Variants in WWOX observed in about 807,000 individuals in gnomAD.
The protein encoded by WWOX is WW domain-containing oxidoreductase.
A neutral mutation model predicts 46.2 loss-of-function variants in WWOX; 69 were observed. That is an observed-to-expected ratio of 1.49 (90% CI 1.23 to 1.82). The LOEUF (loss-of-function observed/expected upper bound fraction) is 1.82, where lower values mean the gene tolerates loss of function less well. Ranked by LOEUF, WWOX falls within the 40% of genes most tolerant of loss-of-function variation. The pLI, the probability that WWOX is intolerant of heterozygous loss-of-function variation, is 0.00. For synonymous variants in WWOX, 359 were observed against 202.6 expected (o/e 1.77, Z -6.56); for missense variants, 919 against 542.6 (o/e 1.69, Z -6.89).
At chr16:78,784,447 C>T (rs995618715) in intron 8 of WWOX, among the ~76,000 whole-genome samples, 3 of 152,064 alleles carry the variant, frequency 2.0e-5, no homozygotes, top group East Asian at 1.9e-4. Flanking sequence ...GAGTGAAGTT[C>T]TTACCCATTA....
intron 5 of WWOX, among the ~76,000 whole-genome samples, chr16:78,257,536 A>G (rs1311896369): frequency 6.6e-6 from 1 of 152,160 alleles, no homozygotes; most frequent in Non-Finnish European, 1.5e-5. Flanking sequence ...CACTCCTACA[A>G]GGAGAACCTG....
intron 8 of WWOX, among the ~76,000 whole-genome samples, chr16:78,721,856 C>T (rs1019522511): frequency 2.0e-5 from 3 of 152,186 alleles, no homozygotes; most frequent in African/African-American, 4.8e-5. Context: ...AAGAGGTTGG[C>T]AGAGCAAACG....
At chr16:78,645,121 A>G (rs544215288) in intron 8 of WWOX, among the ~76,000 whole-genome samples, 4 of 152,244 alleles carry the variant, frequency 2.6e-5, no homozygotes, top group Admixed American at 2.0e-4. Flanking sequence ...TCTAGTTACA[A>G]TGGTCTGCTT....
At chr16:78,854,671 C>T (rs749505660) in intron 8 of WWOX, among the ~76,000 whole-genome samples, 2 of 152,186 alleles carry the variant, frequency 1.3e-5, no homozygotes, top group African/African-American at 4.8e-5. Flanking sequence ...ACCTCCGCCT[C>T]CCGGGTTCAA....
chr16:78,797,650 C>G (rs975259002), intron 8 of WWOX, among the ~76,000 whole-genome samples: 2 of 152,128 alleles, frequency 1.3e-5, no homozygotes, highest in East Asian at 3.9e-4. Context: ...TCTCAAGGAA[C>G]TATGATAAGT....
At chr16:78,993,899 A>C (rs1294439524) in intron 8 of WWOX, among the ~76,000 whole-genome samples, 2 of 152,258 alleles carry the variant, frequency 1.3e-5, no homozygotes, top group East Asian at 3.9e-4. Flanking sequence ...CGTTGGGTGC[A>C]GGCATTATTT....
At chr16:78,887,233 C>G (rs1327947526) in intron 8 of WWOX, among the ~76,000 whole-genome samples, 1 of 151,492 alleles carries the variant, frequency 6.6e-6, no homozygotes, top group Non-Finnish European at 1.5e-5. Context: ...CAACTTAATC[C>G]ATTGTCATGA....
chr16:78,925,595 G>C (rs892429229), intron 8 of WWOX, among the ~76,000 whole-genome samples: 1 of 152,184 alleles, frequency 6.6e-6, no homozygotes, highest in Non-Finnish European at 1.5e-5. Flanking sequence ...ACAGGGAGGA[G>C]ATGCACATTT....
chr16:78,546,020 G>T (rs973663613), intron 8 of WWOX, among the ~76,000 whole-genome samples: 4 of 152,204 alleles, frequency 2.6e-5, no homozygotes, highest in Admixed American at 6.5e-5. Flanking sequence ...GGGGGACGCA[G>T]TTTAGTCTGT....
At chr16:78,647,314 G>A (rs116199179) in intron 8 of WWOX, among the ~76,000 whole-genome samples, 31 of 152,256 alleles carry the variant, frequency 2.0e-4, no homozygotes, top group South Asian at 1.9e-3. Context: ...CGGCCCAGGC[G>A]AGGATGAGGA....
chr16:78,913,545 A>C (rs2045167084), intron 8 of WWOX, among the ~76,000 whole-genome samples: 2 of 152,174 alleles, frequency 1.3e-5, no homozygotes, highest in East Asian at 1.9e-4. Context: ...ACCCAGAGCA[A>C]AGTCACTTGT....
chr16:78,808,840 C>T (rs1236780034), intron 8 of WWOX, among the ~76,000 whole-genome samples: 1 of 152,180 alleles, frequency 6.6e-6, no homozygotes, highest in Admixed American at 6.5e-5. Context: ...CCATCAACCT[C>T]TACGGCTGCC....
At chr16:79,121,316 A>T (rs545555918) in intron 8 of WWOX, among the ~76,000 whole-genome samples, 2 of 152,158 alleles carry the variant, frequency 1.3e-5, no homozygotes, top group African/African-American at 4.8e-5. Flanking sequence ...CTCGCTCATG[A>T]TATCTTCTCC....
intron 8 of WWOX, chr16:78,780,489 CGG>C (rs2050298164): frequency 6.6e-6 from 1 of 152,058 alleles, no homozygotes; most frequent in African/African-American, 2.4e-5. Context: ...TTCCGTGATG[CGG>C]GGGAAGAAGA....
At chr16:78,762,232 T>G (rs965216442) in intron 8 of WWOX, among the ~76,000 whole-genome samples, 1 of 152,190 alleles carries the variant, frequency 6.6e-6, no homozygotes, top group Non-Finnish European at 1.5e-5. Flanking sequence ...ACAGCAGCTG[T>G]GTCTTAAGAC....
rs138156655 is a variant in WWOX at position 79,024,039 on chromosome 16, T to G, written c.1057-187569T>G. ...AACATGTGAATCTGTGTATACAAAG[T>G]ACCTAGAATAGGCACCTCCAAAGAG... is the stretch of plus-strand genomic sequence containing the variant. On this transcript the variant is annotated intron_variant, in intron 8 of 8. Transcript: ENST00000566780. Among the ~76,000 whole-genome samples the G allele has an allele frequency of 1.8e-4, 27 of 152,228 alleles. 1 individual carries two copies. The East Asian group carries it at 5.2e-3, about 29-fold the overall frequency.
At chr16:78,283,236 C>G (rs1250252932) in intron 5 of WWOX, among the ~76,000 whole-genome samples, 1 of 152,142 alleles carries the variant, frequency 6.6e-6, no homozygotes, top group African/African-American at 2.4e-5. Flanking sequence ...AAAAATCACT[C>G]CATCCATGCA....
At chr16:78,894,222 C>A (rs1264907181) in intron 8 of WWOX, among the ~76,000 whole-genome samples, 1 of 151,880 alleles carries the variant, frequency 6.6e-6, no homozygotes, top group African/African-American at 2.4e-5. Flanking sequence ...ACTTTTATTT[C>A]CATAGTTAGC....
At chr16:78,114,748 T>C (rs1372322109) in intron 3 of WWOX, among the ~76,000 whole-genome samples, 1 of 150,072 alleles carries the variant, frequency 6.7e-6, no homozygotes, top group Non-Finnish European at 1.5e-5. Context: ...TTACAGCGTA[T>C]GTTATAGGCA....
Sources: allele counts gnomAD v4.1 joint callset (sites outside exome capture counted in the v4.1 genomes callset), GRCh38; gene constraint gnomAD v4.1.1; transcripts MANE v1.5; gene names NCBI Gene and HGNC (gene_info 2026-07-23, HGNC 2026-07-21).